TNRC6B: variants seen among roughly 807,000 people sequenced by gnomAD.
The protein encoded by TNRC6B is trinucleotide repeat containing adaptor 6B, also known as trinucleotide repeat-containing gene 6B protein.
In TNRC6B, 52 loss-of-function variants were observed where a neutral mutation model predicts 203.6. The ratio of observed to expected loss-of-function variants is 0.26; its 90% CI spans 0.20 to 0.32. TNRC6B has a LOEUF of 0.32. Ranked by LOEUF, TNRC6B falls within the 10% of genes least tolerant of loss-of-function variation. The pLI is 1.00. For missense variants in TNRC6B, 1,923 were observed against 2,286.2 expected, an observed-to-expected ratio of 0.84 and a Z score of 3.24; for synonymous variants, 838 against 845.7, an observed-to-expected ratio of 0.99 and a Z score of 0.16.
At chr22:40,060,668 G>C (rs2067841822) in intron 1 of TNRC6B, among the ~76,000 whole-genome samples, 1 of 152,156 alleles carries the variant, frequency 6.6e-6, no homozygotes, top group Admixed American at 6.6e-5. Context: ...AAAAAATACA[G>C]TGCAAAATTA....
At position 40,161,888 on chromosome 22, in the gene TNRC6B, G is replaced by A. The variant is rs114185775; in HGVS notation, c.113+5706G>A. On this transcript the variant is annotated intron_variant, in intron 4 of 23. Transcript: ENST00000301923. ...AATTACACAGCTTTAATTGCATGAC[G>A]TGTTTACTGCAGGAGTAAATATTAA... is the stretch of plus-strand genomic sequence containing the variant. Among the ~76,000 whole-genome samples the A allele has an allele frequency of 2.0e-3, 305 of 152,258 alleles. 2 individuals carry two copies. Among genetic ancestry groups the A allele is most frequent in the African/African-American group, 6.5e-3 (272 of 41,538 alleles).
At position 40,279,860 on chromosome 22, in the gene TNRC6B, C is replaced by T. The variant is rs1601485000; in HGVS notation, c.3263-135C>T. On this transcript the variant is annotated intron_variant, in intron 9 of 22. Transcript: ENST00000454349. Reference sequence around the variant, plus strand: ...AGCCTGGACCAATGAGAGTTTGTCTCGTCTTATCCCCAGAAATAGAAATAT... The same window carrying T: ...AGCCTGGACCAATGAGAGTTTGTCTTGTCTTATCCCCAGAAATAGAAATAT... 3 of 676,070 alleles carry T rather than the reference C, an allele frequency of 4.4e-6. No individual in the cohort carries two copies. In the South Asian group the frequency reaches 8.6e-5, roughly 19 times the overall value. 41.9% of individuals were successfully genotyped at this position (676,070 alleles called of 1,614,324 possible).
At chr22:40,197,102 T>C (rs2069346975) in intron 1 of TNRC6B, among the ~76,000 whole-genome samples, 2 of 152,084 alleles carry the variant, frequency 1.3e-5, no homozygotes. Context: ...ATTGGTTGAA[T>C]CCCTGTATTA....
At position 40,315,923 on chromosome 22, in the gene TNRC6B, T is replaced by A; in HGVS notation, c.4904-19T>A. 6.2e-7 allele frequency: 1 copy of A among 1,603,704 alleles called. No individual in the cohort carries two copies. The highest frequency in any genetic ancestry group is 8.5e-7 in the Non-Finnish European group (1 of 1,172,470). ...TTTGTTTTATTTCTCTTCCTAACCATTTTTCTGGTTGCTCATAGCCTCTAC... is the reference window on the plus strand; with the variant it reads ...TTTGTTTTATTTCTCTTCCTAACCAATTTTCTGGTTGCTCATAGCCTCTAC... On this transcript the variant is annotated intron_variant, in intron 20 of 22. Transcript: ENST00000454349.
At chr22:40,243,498 C>G (rs1439268209) in intron 1 of TNRC6B, among the ~76,000 whole-genome samples, 7 of 152,126 alleles carry the variant, frequency 4.6e-5, no homozygotes, top group Non-Finnish European at 8.8e-5. Context: ...CCTTAATTGC[C>G]TGTTTATAGG....
intron 21 of TNRC6B, among the ~76,000 whole-genome samples, chr22:40,316,596 C>G (rs904885382): frequency 2.0e-5 from 3 of 152,066 alleles, no homozygotes; most frequent in Non-Finnish European, 4.4e-5. Flanking sequence ...GCATTGCACT[C>G]CAGGTTGGGC....
chr22:40,262,589 CA>C (rs1488324584), intron 4 of TNRC6B, among the ~76,000 whole-genome samples: 1 of 152,088 alleles, frequency 6.6e-6, no homozygotes, highest in Admixed American at 6.5e-5. Context: ...TGCTACATTG[CA>C]ATATAGAATC....
chr22:40,318,455 G>A (rs991715732), intron 21 of TNRC6B, among the ~76,000 whole-genome samples: 9 of 152,154 alleles, frequency 5.9e-5, no homozygotes, highest in Non-Finnish European at 1.2e-4. Context: ...GCTGTGGCGG[G>A]AGAATGGCAT....
At chr22:40,090,459 C>T (rs1415494883) in intron 1 of TNRC6B, among the ~76,000 whole-genome samples, 4 of 150,304 alleles carry the variant, frequency 2.7e-5, no homozygotes, top group African/African-American at 9.8e-5. Flanking sequence ...AGTATCTTTT[C>T]GTATCCTTAT....
intron 2 of TNRC6B, among the ~76,000 whole-genome samples, chr22:40,248,095 A>G (rs2070134399): frequency 1.3e-5 from 2 of 151,078 alleles, no homozygotes; most frequent in African/African-American, 4.9e-5. Flanking sequence ...AAAAAAAACC[A>G]TAGAAGTCAG....
In TNRC6B at chr22:40,310,881, T is replaced by A. The variant is rs1421744942; in HGVS notation, c.4323T>A (p.Pro1441=). 6.2e-7 allele frequency: 1 copy of A among 1,612,490 alleles called. No individual in the cohort carries two copies. The highest frequency in any genetic ancestry group is 1.3e-5 in the African/African-American group (1 of 74,900). Residue 1441 remains proline (P), a synonymous_variant, in exon 17 of 23, where the codon CCT becomes CCA. Transcript: ENST00000454349. The part of the protein sequence containing the change: ...GSPYNQFDII[P]GDTLGGHTGP... ...CGTACAACCAGTTTGATATCATCCC[T>A]GGTGACACACTGGGTGGCCATACGG...
intron 5 of TNRC6B, among the ~76,000 whole-genome samples, chr22:40,269,630 C>T (rs933329968): frequency 6.6e-6 from 1 of 151,974 alleles, no homozygotes; most frequent in Non-Finnish European, 1.5e-5. Flanking sequence ...TGCCTGTAAT[C>T]CCAGCACTTT....
intron 1 of TNRC6B, among the ~76,000 whole-genome samples, chr22:40,082,921 T>G (rs1250686570): frequency 6.6e-6 from 1 of 152,156 alleles, no homozygotes; most frequent in Non-Finnish European, 1.5e-5. Flanking sequence ...TTATATTAAG[T>G]CCGAGATGCT....
intron 1 of TNRC6B, among the ~76,000 whole-genome samples, chr22:40,187,449 A>G (rs2069218442): frequency 6.6e-6 from 1 of 152,168 alleles, no homozygotes; most frequent in Non-Finnish European, 1.5e-5. Context: ...AGAAGTTCCT[A>G]AACATACCGG....
intron 12 of TNRC6B, among the ~76,000 whole-genome samples, chr22:40,291,476 A>G (rs2146535262): frequency 6.6e-6 from 1 of 152,334 alleles, no homozygotes; most frequent in African/African-American, 2.4e-5. Flanking sequence ...ATACAATGAC[A>G]GGAATTATTT....
At chr22:40,173,517 G>A (rs914555272), upstream of TNRC6B, among the ~76,000 whole-genome samples, 7 of 149,858 alleles carry the variant, frequency 4.7e-5, no homozygotes, top group Non-Finnish European at 8.9e-5. Context: ...GTACAGTGGC[G>A]TGATCTCAGC....
intron 21 of TNRC6B, among the ~76,000 whole-genome samples, chr22:40,319,585 T>C (rs909566129): frequency 6.6e-6 from 1 of 152,014 alleles, no homozygotes; most frequent in African/African-American, 2.4e-5. Context: ...CCACAATGCC[T>C]GGCTAATTTT....
chr22:40,251,632 T>A (rs1379655290), intron 3 of TNRC6B, among the ~76,000 whole-genome samples: 3 of 151,830 alleles, frequency 2.0e-5, no homozygotes, highest in Non-Finnish European at 4.4e-5. Flanking sequence ...GGCATGAGAA[T>A]CGCTTGAACC....
At chr22:40,114,729 T>C (rs2068371682) in intron 1 of TNRC6B, among the ~76,000 whole-genome samples, 1 of 152,116 alleles carries the variant, frequency 6.6e-6, no homozygotes, top group South Asian at 2.1e-4. Context: ...ATTCCAAGAC[T>C]AGTTTGGCTG....
Sources: allele counts gnomAD v4.1 joint callset (sites outside exome capture counted in the v4.1 genomes callset), GRCh38; gene constraint gnomAD v4.1.1; transcripts MANE v1.5; gene names NCBI Gene and HGNC (gene_info 2026-07-23, HGNC 2026-07-21).